Variants in RAD21 observed in about 807,000 individuals in gnomAD.
RAD21 encodes the protein RAD21 cohesin complex component, also known as double-strand-break repair protein rad21 homolog.
In RAD21, 18 loss-of-function variants were observed where a neutral mutation model predicts 71.5. The observed-to-expected ratio is 0.25, with a 90% CI of 0.17 to 0.37. The LOEUF is 0.37. Among genes scored for constraint, RAD21 ranks in the 10% least tolerant of loss-of-function variants. The pLI, the probability that RAD21 is intolerant of heterozygous loss-of-function variation, is 1.00. For synonymous variants in RAD21, 248 were observed against 254.0 expected, an observed-to-expected ratio of 0.98 and a Z score of 0.22; for missense variants, 493 against 769.1, an observed-to-expected ratio of 0.64 and a Z score of 4.25.
intron 1 of RAD21, among the ~76,000 whole-genome samples, chr8:116,869,038 G>T (rs1436778246): frequency 6.6e-6 from 1 of 152,028 alleles, no homozygotes; most frequent in East Asian, 1.9e-4. Flanking sequence ...ATGGCAGAGG[G>T]GAACCTTCAG....
Position 116,846,838 on chromosome 8 carries a change from G to A in RAD21, c.*662C>T, listed in dbSNP as rs1337229318. 9.1e-6 allele frequency: 2 copies of A among 219,414 alleles called. No individual in the cohort carries two copies. The highest frequency in any genetic ancestry group is 1.8e-5 in the Non-Finnish European group (2 of 109,428). The allele number at this position is 219,414 out of a possible 1,614,324, so 13.6% of individuals were successfully genotyped here. On this transcript the variant is annotated 3_prime_UTR_variant, in exon 14 of 14. Transcript: ENST00000297338. The stretch of plus-strand genomic sequence containing the variant: ...GATTTCAGTATAGCCAAGTTCATCA[G>A]AAAGACTCAAATGGAATGATTTACA...
intron 5 of RAD21, 148 bp from the exon 6 acceptor site, chr8:116,857,621 T>C (rs1171082076): frequency 9.7e-6 from 7 of 718,930 alleles, no homozygotes; most frequent in Non-Finnish European, 1.1e-5. Flanking sequence ...TAAACTTTAA[T>C]TCTTTAGCAT....
chr8:116,866,395 T>G lies in RAD21; in HGVS notation c.144+191A>C, dbSNP rs760457023. 7.2e-4 allele frequency among the ~76,000 whole-genome samples: 109 copies of G among 152,152 alleles called. 2 individuals are homozygous for G. The highest frequency in any genetic ancestry group is 2.5e-4 in the Non-Finnish European group (17 of 68,016). The stretch of plus-strand genomic sequence containing the variant: ...TCAAAATATATGCACTTAGAGATTT[T>G]TTTTAAAATCTAATCTGTAATCATA... On this transcript the variant is annotated intron_variant, in intron 2 of 13. Transcript: ENST00000297338.
intron 13 of RAD21, 122 bp from the exon 14 acceptor site, chr8:116,847,813 T>G: frequency 1.1e-6 from 1 of 951,842 alleles, no homozygotes; most frequent in Non-Finnish European, 1.5e-6. Context: ...AATTTCCCAG[T>G]GTTAGAGATG....
At chr8:116,856,402 T>C (rs1812467335) in intron 7 of RAD21, 114 bp from the exon 8 acceptor site, 1 of 1,321,804 alleles carries the variant, frequency 7.6e-7, no homozygotes, top group African/African-American at 1.5e-5. Flanking sequence ...ATCCTGTTAT[T>C]ACTAAGAAAA....
chr8:116,848,851 G>GCTGGAAAC, intron 13 of RAD21, 95 bp downstream of exon 13: 1 of 893,204 alleles, frequency 1.1e-6, no homozygotes, highest in Non-Finnish European at 1.7e-6. Flanking sequence ...ACAAAGGTAT[G>GCTGGAAAC]CTTTCTGTTT....
At chr8:116,852,834 A>C (rs918571083) in intron 9 of RAD21, 126 bp from the exon 10 acceptor site, 1 of 626,086 alleles carries the variant, frequency 1.6e-6, no homozygotes, top group African/African-American at 1.9e-5. Context: ...CATGGCTTTT[A>C]TCATATTCAC....
At chr8:116,871,843 T>C (rs984308283) in intron 1 of RAD21, among the ~76,000 whole-genome samples, 1 of 152,226 alleles carries the variant, frequency 6.6e-6, no homozygotes, top group African/African-American at 2.4e-5. Context: ...TAAATGTCAC[T>C]AGTATTTAAT....
At chr8:116,848,732 T>C (rs978605399) in intron 13 of RAD21, among the ~76,000 whole-genome samples, 1 of 150,908 alleles carries the variant, frequency 6.6e-6, no homozygotes, top group Non-Finnish European at 1.5e-5. Context: ...CCTAACAGTT[T>C]ATGTATTTAA....
chr8:116,846,200 T>C lies in RAD21; in HGVS notation c.*1300A>G, dbSNP rs1225591267. On this transcript the variant is annotated 3_prime_UTR_variant, in exon 14 of 14. Coordinates refer to ENST00000297338, the MANE Select transcript of RAD21 (RefSeq NM_006265.3). Reference sequence around the variant, plus strand: ...CAATTACCACTCTGAAGAAACTGAATCATTAAAACAGTAATTACGAGTTCA... The same window carrying C: ...CAATTACCACTCTGAAGAAACTGAACCATTAAAACAGTAATTACGAGTTCA... 4.3e-6 allele frequency: 1 copy of C among 231,066 alleles called. No individual in the cohort carries two copies. The highest frequency in any genetic ancestry group is 2.2e-5 in the African/African-American group (1 of 45,234). 14.3% of individuals were successfully genotyped at this position (231,066 alleles called of 1,614,324 possible). A position where few individuals can be genotyped will look rare whatever the true frequency, so the allele number is the denominator to read the frequency against.
intron 8 of RAD21, 110 bp downstream of exon 8, chr8:116,856,056 G>GC: frequency 7.7e-7 from 1 of 1,306,110 alleles, no homozygotes; most frequent in Non-Finnish European, 1.0e-6. Flanking sequence ...ACAGAAAAAA[G>GC]CAAGAAGCCT....
In RAD21 at chr8:116,850,633, A is replaced by T. The variant is rs572804043; in HGVS notation, c.1605T>A (p.Asp535Glu). The T allele has an allele frequency of 1.9e-6, 3 of 1,609,430 alleles. No homozygotes were observed. In the African/African-American group the frequency reaches 4.0e-5, roughly 22 times the overall value. The change falls in exon 12 of 14, where the codon GAT (aspartate) becomes GAA (glutamate). Residue 535 changes from aspartate (D) to glutamate (E), a missense_variant. By Grantham distance (45) the Asp-to-Glu change is conservative (BLOSUM62 2). Around this residue, in one of 5 missense-constraint regions of RAD21, gnomAD observed 225 missense variants for 218.3 expected, o/e 1.03. Coordinates refer to ENST00000297338, the MANE Select transcript of RAD21 (RefSeq NM_006265.3). ...ATTAGTTTACCTCTTCCTCTTCATC[A>T]TCTTCTTTTTCCTTCTCTTTCTCCT... Reference protein sequence around the residue: ...KEKEKEKEKEDDEEEEDEDAS... With the variant: ...KEKEKEKEKEEDEEEEDEDAS...
At chr8:116,866,091 T>A (rs1380230217) in intron 2 of RAD21, among the ~76,000 whole-genome samples, 1 of 152,184 alleles carries the variant, frequency 6.6e-6, no homozygotes, top group Non-Finnish European at 1.5e-5. Flanking sequence ...GTGCTCTGCC[T>A]ACTCAACCCT....
At position 116,847,346 on chromosome 8, in the gene RAD21, A is replaced by T. The variant is rs1812268819; in HGVS notation, c.*154T>A. On this transcript the variant is annotated 3_prime_UTR_variant, in exon 14 of 14. Coordinates refer to ENST00000297338, the MANE Select transcript of RAD21 (RefSeq NM_006265.3). ...TTTCCCTCAAAGATGAAATTGACAA[A>T]TTTAATGTACTGGAAAAAAATGAAG... is the stretch of plus-strand genomic sequence containing the variant. The T allele has an allele frequency of 1.6e-6, 1 of 634,476 alleles. No individual in the cohort carries two copies. The highest frequency in any genetic ancestry group is 3.4e-5 in the Admixed American group (1 of 29,184). 39.3% of individuals were successfully genotyped at this position (634,476 alleles called of 1,614,324 possible). A position where few individuals can be genotyped will look rare whatever the true frequency, so the allele number is the denominator to read the frequency against.
chr8:116,854,501 C>T (rs1327028536), intron 8 of RAD21, 33 bp from the exon 9 acceptor site: 2 of 1,530,708 alleles, frequency 1.3e-6, no homozygotes, highest in Non-Finnish European at 1.8e-6. Context: ...GATCATTTTC[C>T]TGAGAGGCCA....
chr8:116,846,122 C>G lies in RAD21; in HGVS notation c.*1378G>C, dbSNP rs1389705459. 1 of 230,820 alleles carries G rather than the reference C, an allele frequency of 4.3e-6. No homozygotes were observed. Among genetic ancestry groups the G allele is most frequent in the South Asian group, 1.8e-4 (1 of 5,520 alleles). The allele number at this position is 230,820 out of a possible 1,614,324, so 14.3% of individuals were successfully genotyped here. On this transcript the variant is annotated 3_prime_UTR_variant, in exon 14 of 14. Transcript: ENST00000297338. ...GTCTTTTTACAAACGGGGAAAACTC[C>G]TTGGTTTACAGGCACATCATATTGA...
rs550507759 is a variant in RAD21, at chr8:116,870,474, T to C, written c.-32-3713A>G. 7.9e-5 allele frequency among the ~76,000 whole-genome samples: 12 copies of C among 152,358 alleles called. No individual in the cohort carries two copies. The South Asian group carries it at 2.3e-3, about 29-fold the overall frequency. On this transcript the variant is annotated intron_variant, in intron 1 of 13. Coordinates refer to ENST00000297338, the MANE Select transcript of RAD21 (RefSeq NM_006265.3). ...TAAATAACACCTCAAAGGTGCTTTA[T>C]TTGCCATTTGTTATTTTATAGATTA...
chr8:116,854,661 C>T lies in RAD21; in HGVS notation c.938-193G>A, dbSNP rs141491891. On this transcript the variant is annotated intron_variant, in intron 8 of 13. Coordinates refer to ENST00000297338, the MANE Select transcript of RAD21 (RefSeq NM_006265.3). ...ATTCAGAAGAGAGGCTGGAACACAA[C>T]GGGCATTCAACAAAAATTTGCTGAA... Among the ~76,000 whole-genome samples, 330 of 152,162 alleles carry T rather than the reference C, an allele frequency of 2.2e-3. 1 individual carries two copies. The highest frequency in any genetic ancestry group is 3.6e-3 in the Non-Finnish European group (247 of 68,000).
intron 13 of RAD21, among the ~76,000 whole-genome samples, chr8:116,848,470 T>C (rs1413854974): frequency 6.6e-6 from 1 of 152,212 alleles, no homozygotes; most frequent in Non-Finnish European, 1.5e-5. Flanking sequence ...TAAGAAACCT[T>C]GAGCAACTTG....
Sources: allele counts gnomAD v4.1 joint callset (sites outside exome capture counted in the v4.1 genomes callset), GRCh38; gene constraint gnomAD v4.1.1; regional missense constraint gnomAD v4.1.1; transcripts MANE v1.5; gene names NCBI Gene and HGNC (gene_info 2026-07-23, HGNC 2026-07-21).